Variants in CDH23 observed in about 807,000 individuals in gnomAD.
CDH23 encodes cadherin related 23.
A neutral mutation model predicts 317.1 loss-of-function variants in CDH23; 189 were observed. The observed-to-expected ratio is 0.60, with a 90% confidence interval of 0.53 to 0.67. CDH23 has a LOEUF of 0.67. Ranked by LOEUF, CDH23 falls within the 30% of genes least tolerant of loss-of-function variation. The pLI is 0.00. For missense variants in CDH23, 4,401 were observed against 4,592.4 expected (o/e 0.96, Z 1.20); for synonymous variants, 1,839 against 1,876.8 (o/e 0.98, Z 0.52).
intron 1 of CDH23, among the ~76,000 whole-genome samples, chr10:71,430,572 G>C (rs577121539): frequency 1.5e-4 from 23 of 152,356 alleles, no homozygotes; most frequent in African/African-American, 4.8e-4. Flanking sequence ...ACTTTGGGAG[G>C]CCGAGGTGGG....
At chr10:71,807,187 T>C (rs1841756442) in intron 57 of CDH23, 90 bp from the exon 58 acceptor site, 1 of 1,513,358 alleles carries the variant, frequency 6.6e-7, no homozygotes. Flanking sequence ...CCTCAGCACC[T>C]ACAAAGTCAC....
chr10:71,416,727 G>C (rs1402192783), intron 1 of CDH23, among the ~76,000 whole-genome samples: 1 of 151,710 alleles, frequency 6.6e-6, no homozygotes, highest in Non-Finnish European at 1.5e-5. Context: ...GTGTGCAGTG[G>C]TGTGATCATA....
chr10:71,556,579 C>T (rs1170134702), intron 6 of CDH23, among the ~76,000 whole-genome samples: 12 of 147,176 alleles, frequency 8.2e-5, no homozygotes, highest in African/African-American at 2.7e-4. Flanking sequence ...GAGCGAGACT[C>T]GGTCTCAAAA....
At chr10:71,642,277 G>A (rs1862587347) in intron 11 of CDH23, among the ~76,000 whole-genome samples, 2 of 151,884 alleles carry the variant, frequency 1.3e-5, no homozygotes, top group African/African-American at 4.8e-5. Context: ...ATTTCACACT[G>A]TGGACTCGTG....
chr10:71,662,464 G>C (rs1277793118), intron 14 of CDH23, among the ~76,000 whole-genome samples: 3 of 152,194 alleles, frequency 2.0e-5, no homozygotes, highest in African/African-American at 7.2e-5. Context: ...AGAGGAGGGA[G>C]GGTGTCAGAC....
At chr10:71,744,768 A>G (rs1232175473) in intron 38 of CDH23, among the ~76,000 whole-genome samples, 2 of 152,152 alleles carry the variant, frequency 1.3e-5, no homozygotes, top group Non-Finnish European at 1.5e-5. Context: ...GATGATTAGG[A>G]CCAGGGACCC....
At chr10:71,535,618 G>T (rs1855658519) in intron 6 of CDH23, among the ~76,000 whole-genome samples, 1 of 152,256 alleles carries the variant, frequency 6.6e-6, no homozygotes, top group Non-Finnish European at 1.5e-5. Flanking sequence ...TGTGGGATAG[G>T]ACTTGACCTG....
At chr10:71,403,923 C>G (rs1201571482) in intron 1 of CDH23, among the ~76,000 whole-genome samples, 1 of 152,106 alleles carries the variant, frequency 6.6e-6, no homozygotes, top group Non-Finnish European at 1.5e-5. Context: ...AACCCCGTCT[C>G]TACTAAAAAC....
chr10:71,807,363 T>C lies in CDH23; in HGVS notation c.8265T>C (p.Asp2755=), dbSNP rs997286528. Residue 2755 remains aspartate (D), a synonymous_variant, in exon 58 of 70, where the codon GAT becomes GAC. Coordinates refer to ENST00000224721, the MANE Select transcript of CDH23 (RefSeq NM_022124.6). Reference sequence around the variant, plus strand: ...TGGGCAACGTGACAGGCGCAGTGGATGCAGATGAGGGCCCCAACGCGATCG... The same window carrying C: ...TGGGCAACGTGACAGGCGCAGTGGACGCAGATGAGGGCCCCAACGCGATCG... The part of the protein sequence containing the change: ...TLVGNVTGAV[D]ADEGPNAIVY... The C allele has an allele frequency of 1.9e-6, 3 of 1,613,840 alleles. No homozygotes were observed. Among genetic ancestry groups the C allele is most frequent in the Non-Finnish European group, 2.5e-6 (3 of 1,179,820 alleles).
chr10:71,653,591 C>G (rs1343158703), intron 14 of CDH23, among the ~76,000 whole-genome samples: 1 of 152,230 alleles, frequency 6.6e-6, no homozygotes. Context: ...GTCCCTCTGC[C>G]CCCAGCAGAA....
chr10:71,584,881 C>T (rs968254204), intron 9 of CDH23, among the ~76,000 whole-genome samples: 1 of 152,224 alleles, frequency 6.6e-6, no homozygotes, highest in African/African-American at 2.4e-5. Context: ...GGGAATGGCT[C>T]ACCTGGCTGG....
intron 69 of CDH23, among the ~76,000 whole-genome samples, chr10:71,813,952 T>C (rs563198964): frequency 4.6e-5 from 7 of 152,280 alleles, no homozygotes; most frequent in African/African-American, 1.4e-4. Flanking sequence ...CAAATAGGCC[T>C]ACATATGTTT....
intron 30 of CDH23, among the ~76,000 whole-genome samples, chr10:71,727,890 T>C (rs1300123144): frequency 1.3e-5 from 2 of 152,156 alleles, no homozygotes; most frequent in African/African-American, 4.8e-5. Flanking sequence ...CATCTGTGCC[T>C]CTCAGGTTTG....
rs552647802 is a variant in CDH23 at position 71,739,825 on chromosome 10, G to A, written c.4488+53G>A. ...AGACCACTGGCTAAGTGCCTAGACC[G>A]GTCACTACTCTCCATCCAGGAGAGA... On this transcript the variant is annotated intron_variant, in intron 36 of 69. Coordinates refer to ENST00000224721, the MANE Select transcript of CDH23 (RefSeq NM_022124.6). 1.6e-4 allele frequency: 247 copies of A among 1,548,948 alleles called. 1 individual carries two copies. Among genetic ancestry groups the A allele is most frequent in the South Asian group, 2.5e-4 (21 of 84,188 alleles).
chr10:71,499,505 T>C (rs1332348644), intron 3 of CDH23, among the ~76,000 whole-genome samples: 1 of 151,892 alleles, frequency 6.6e-6, no homozygotes. Context: ...GAGGTTGCAG[T>C]GAGCTGATAT....
intron 1 of CDH23, among the ~76,000 whole-genome samples, chr10:71,404,803 A>G (rs1339367635): frequency 6.6e-6 from 1 of 152,200 alleles, no homozygotes; most frequent in Non-Finnish European, 1.5e-5. Flanking sequence ...CTGGAGATGC[A>G]TCTTCCTTGA....
chr10:71,811,390 G>C lies in CDH23; in HGVS notation c.9153G>C (p.Gln3051His), dbSNP rs1167180705. The C allele has an allele frequency of 1.2e-6, 2 of 1,613,954 alleles. No individual in the cohort carries two copies. The highest frequency in any genetic ancestry group is 2.2e-5 in the East Asian group (1 of 44,872). The change falls in exon 63 of 70, where the codon CAG (glutamine) becomes CAC (histidine). Residue 3051 changes from glutamine (Q) to histidine (H), a missense_variant. By Grantham distance (24) the Gln-to-His change is conservative. This residue lies in a region of CDH23 where 1,144 missense variants were observed against 1,138.2 expected (regional missense o/e 1.01). Coordinates refer to ENST00000224721, the MANE Select transcript of CDH23 (RefSeq NM_022124.6). ...LFRNYNVLDVQPAISVRLPDD... is the reference protein window; with the variant it reads ...LFRNYNVLDVHPAISVRLPDD... The stretch of plus-strand genomic sequence containing the variant: ...GGAACTACAACGTCCTGGACGTGCA[G>C]CCTGCCATCTCTGTCCGGCTGCCGG...
chr10:71,754,317 G>A (rs1034176162), intron 38 of CDH23, among the ~76,000 whole-genome samples: 4 of 152,152 alleles, frequency 2.6e-5, no homozygotes, highest in African/African-American at 9.7e-5. Context: ...ACCCACTATG[G>A]GGCTTCACGT....
intron 38 of CDH23, among the ~76,000 whole-genome samples, chr10:71,757,835 G>T (rs192767397): frequency 6.6e-6 from 1 of 152,192 alleles, no homozygotes; most frequent in Admixed American, 6.5e-5. Flanking sequence ...ATTCTGCTGC[G>T]CTGGGGGGTG....
Sources: gnomAD v4.1 joint callset for allele counts (sites outside exome capture counted in the v4.1 genomes callset) on GRCh38, gnomAD v4.1.1 for gene constraint, gnomAD v4.1.1 regional missense constraint, MANE v1.5 for transcripts, NCBI Gene and HGNC (gene_info 2026-07-23, HGNC 2026-07-21) for gene names.